The following CAST variants were observed in gnomAD, a reference collection of about 807,000 sequenced individuals.
CAST encodes calpastatin.
In CAST, 76 loss-of-function variants were observed where a neutral mutation model predicts 119.6. That is an observed-to-expected ratio of 0.64 (90% CI 0.53 to 0.77). The LOEUF (loss-of-function observed/expected upper bound fraction) is 0.77. CAST is among the 30% of genes least tolerant of loss of function. CAST has a pLI of 0.00. For missense variants in CAST, 953 were observed against 946.5 expected (o/e 1.01, Z -0.09); for synonymous variants, 319 against 331.6 (o/e 0.96, Z 0.41).
chr5:96,736,365 AT>A, intron 10 of CAST, 125 bp downstream of exon 10: 1 of 573,970 alleles, frequency 1.7e-6, no homozygotes. Flanking sequence ...TTAATGAATT[AT>A]TGTTTCAAGC....
chr5:96,550,957 T>A (rs1239003023), intron 1 of CAST, among the ~76,000 whole-genome samples: 1 of 152,134 alleles, frequency 6.6e-6, no homozygotes, highest in Non-Finnish European at 1.5e-5. Flanking sequence ...TACCTGAAAG[T>A]CACGGGGGGA....
At chr5:96,092,959 G>A in the CAST span, among the ~76,000 whole-genome samples, 5 of 152,184 alleles carry the variant, frequency 3.3e-5, no homozygotes, top group East Asian at 7.7e-4. Flanking sequence ...ATTGTTCGGC[G>A]ATTTTTCCAA....
intron 1 of CAST, among the ~76,000 whole-genome samples, chr5:96,540,105 C>T (rs959050150): frequency 2.6e-5 from 4 of 152,036 alleles, no homozygotes; most frequent in African/African-American, 4.8e-5. Flanking sequence ...CCCTCCTAGC[C>T]TTATGCTATT....
At chr5:96,681,712 G>A (rs1184181229) in intron 2 of CAST, among the ~76,000 whole-genome samples, 3 of 126,120 alleles carry the variant, frequency 2.4e-5, no homozygotes, top group South Asian at 2.5e-4. Flanking sequence ...CAGCCTGGGC[G>A]ACAGAGCGAG....
chr5:96,465,046 A>G, the CAST span, among the ~76,000 whole-genome samples: 1 of 152,116 alleles, frequency 6.6e-6, no homozygotes, highest in Admixed American at 6.6e-5. Flanking sequence ...CTGTGAACAC[A>G]GTATATGTAT....
the CAST span, among the ~76,000 whole-genome samples, chr5:96,362,777 T>C: frequency 6.6e-6 from 1 of 152,230 alleles, no homozygotes; most frequent in Non-Finnish European, 1.5e-5. Context: ...TCTCCCATTC[T>C]GTAGGTTGCC....
chr5:96,679,378 G>C (rs1339165441), intron 2 of CAST: 1 of 152,184 alleles, frequency 6.6e-6, no homozygotes, highest in Non-Finnish European at 1.5e-5. Context: ...AAAATAACTA[G>C]AGAGGAGGAA....
At chr5:96,608,002 A>G (rs1414466264) in intron 1 of CAST, among the ~76,000 whole-genome samples, 1 of 151,816 alleles carries the variant, frequency 6.6e-6, no homozygotes, top group Non-Finnish European at 1.5e-5. Context: ...TGAAATATAT[A>G]GTATATTACT....
intron 3 of CAST, among the ~76,000 whole-genome samples, chr5:96,716,834 G>A (rs750000971): frequency 3.9e-5 from 6 of 152,044 alleles, no homozygotes; most frequent in Non-Finnish European, 7.4e-5. Context: ...CTAACATTTG[G>A]TATCTAATTT....
chr5:96,560,576 A>C (rs544660962), intron 1 of CAST, among the ~76,000 whole-genome samples: 82 of 152,362 alleles, frequency 5.4e-4, no homozygotes, highest in African/African-American at 1.8e-3. Context: ...GAAGACATTT[A>C]TGCAGCCAAA....
the CAST span, among the ~76,000 whole-genome samples, chr5:96,307,996 C>T: frequency 2.6e-5 from 4 of 152,144 alleles, no homozygotes; most frequent in African/African-American, 9.7e-5. Context: ...TGAATGTTGG[C>T]CTGCCTTGCT....
At chr5:96,060,117 T>A in the CAST span, among the ~76,000 whole-genome samples, 1 of 152,172 alleles carries the variant, frequency 6.6e-6, no homozygotes, top group South Asian at 2.1e-4. Context: ...AGCATTAATT[T>A]GGTATCTGTG....
the CAST span, among the ~76,000 whole-genome samples, chr5:96,236,642 C>T: frequency 0.036 from 5,542 of 152,248 alleles, 363 homozygotes; most frequent in African/African-American, 0.13. Flanking sequence ...AGCATTTCTG[C>T]TGAACTTTCT....
At chr5:96,198,380 GGC>G in the CAST span, among the ~76,000 whole-genome samples, 1 of 152,112 alleles carries the variant, frequency 6.6e-6, no homozygotes, top group Non-Finnish European at 1.5e-5. Context: ...TTCTGACTTA[GGC>G]TGTCTCATAC....
chr5:96,010,907 A>G, the CAST span, among the ~76,000 whole-genome samples: 2 of 152,140 alleles, frequency 1.3e-5, no homozygotes, highest in African/African-American at 2.4e-5. Flanking sequence ...CAGCCTGGTC[A>G]TTATTGGTAT....
chr5:96,754,241 T>C, intron 21 of CAST, 80 bp downstream of exon 21: 1 of 885,420 alleles, frequency 1.1e-6, no homozygotes, highest in Non-Finnish European at 1.9e-6. Context: ...GTCATTTGTT[T>C]TGTTTTTTAT....
the CAST span, among the ~76,000 whole-genome samples, chr5:96,421,427 T>C: frequency 3.0e-3 from 462 of 152,316 alleles, 13 homozygotes; most frequent in East Asian, 0.047. Flanking sequence ...CATGCTCTTC[T>C]GAGAGAACTG....
In CAST at chr5:96,767,406, A is replaced by G. The variant is rs3214019; in HGVS notation, c.2131-32A>G. 126,094 of 1,581,824 alleles carry G rather than the reference A, an allele frequency of 0.08. 5,840 individuals carry two copies. The highest frequency in any genetic ancestry group is 0.16 in the African/African-American group (11,575 of 74,264). On this transcript the variant is annotated intron_variant, in intron 27 of 31. Transcript: ENST00000675179. The stretch of plus-strand genomic sequence containing the variant: ...CCTAAGTAAACCTTTACAGATATCT[A>G]TGCTTAACCAATAGTCTGCCTTCTT...
intron 12 of CAST, 118 bp from the exon 13 acceptor site, chr5:96,740,627 C>A: frequency 2.7e-6 from 2 of 741,492 alleles, no homozygotes; most frequent in Admixed American, 2.0e-5. Context: ...GGGGTTAAGA[C>A]TTGAACATAT....
Sources: gnomAD v4.1 joint callset for allele counts (sites outside exome capture counted in the v4.1 genomes callset) on GRCh38, gnomAD v4.1.1 for gene constraint, MANE v1.5 for transcripts, NCBI Gene and HGNC (gene_info 2026-07-23, HGNC 2026-07-21) for gene names.